The following POLD1 variants were observed in gnomAD, a reference collection of about 807,000 sequenced individuals.
The protein encoded by POLD1 is DNA polymerase delta catalytic subunit.
POLD1 carries 79 observed loss-of-function variants against 129.7 expected under a neutral mutation model. That is an observed-to-expected ratio of 0.61 (90% CI 0.51 to 0.73). The LOEUF is 0.73. Among genes scored for constraint, POLD1 ranks in the 30% least tolerant of loss-of-function variants. The pLI is 0.00. For synonymous variants in POLD1, 714 were observed against 683.3 expected, an observed-to-expected ratio of 1.04 and a Z score of -0.70; for missense variants, 1,338 against 1,595.8, an observed-to-expected ratio of 0.84 and a Z score of 2.75.
Position 50,406,114 on chromosome 19 carries a change from A to G in POLD1, c.1243-68A>G. The G allele has an allele frequency of 6.4e-7, 1 of 1,565,340 alleles. No homozygotes were observed. The highest frequency in any genetic ancestry group is 8.7e-7 in the Non-Finnish European group (1 of 1,149,170). ...TATAAGGATGTTGTGGTTGGTCTCAATCTCCGTTCTTCAGGCTTATGTGAC... is the reference window on the plus strand; with the variant it reads ...TATAAGGATGTTGTGGTTGGTCTCAGTCTCCGTTCTTCAGGCTTATGTGAC... On this transcript the variant is annotated intron_variant, in intron 10 of 26. Coordinates refer to ENST00000440232, the MANE Select transcript of POLD1 (RefSeq NM_002691.4). The surrounding 1 kb of genome is among the most constrained non-coding windows in gnomAD (Gnocchi z 5.5).
intron 6 of POLD1, 30 bp from the exon 7 acceptor site, chr19:50,402,424 C>T: frequency 6.2e-7 from 1 of 1,613,008 alleles, no homozygotes; most frequent in Non-Finnish European, 8.5e-7. Context: ...CTCGGGCAGC[C>T]CCTGTCCACT....
At chr19:50,401,466 C>T (rs182759196) in intron 3 of POLD1, among the ~76,000 whole-genome samples, 393 of 136,106 alleles carry the variant, frequency 2.9e-3, no homozygotes, top group African/African-American at 0.01. Context: ...GTCTCAAAGT[C>T]CTGGGCTCTA....
Position 50,401,987 on chromosome 19 carries a change from C to T in POLD1, c.464-12C>T, listed in dbSNP as rs770397805. The T allele has an allele frequency of 5.6e-6, 9 of 1,614,180 alleles. No individual in the cohort carries two copies. The highest frequency in any genetic ancestry group is 1.7e-5 in the Admixed American group (1 of 60,032). On this transcript the variant is annotated splice_polypyrimidine_tract_variant and intron_variant, in intron 4 of 26. Transcript: ENST00000440232. ...GAGCCCCCTGCACCTCTGATCATCC[C>T]TCCCACACCAGGTTTCGGGCCCGAG...
intron 1 of POLD1, among the ~76,000 whole-genome samples, chr19:50,390,167 T>C (rs6509474): frequency 0.052 from 7,913 of 151,956 alleles, 697 homozygotes; most frequent in African/African-American, 0.18. Context: ...CCTCAGCCTC[T>C]CATAGTGTTG....
chr19:50,413,189 C>T (rs905630225), intron 17 of POLD1, among the ~76,000 whole-genome samples: 12 of 152,198 alleles, frequency 7.9e-5, no homozygotes, highest in Non-Finnish European at 1.5e-5. Context: ...TAGTCACTTC[C>T]TTGTGCATGT....
chr19:50,386,918 C>T (rs1311061799), intron 1 of POLD1, among the ~76,000 whole-genome samples: 3 of 152,188 alleles, frequency 2.0e-5, no homozygotes, highest in African/African-American at 2.4e-5. Flanking sequence ...CTAGGCCGGG[C>T]GCGGTGGCTA....
intron 10 of POLD1, 121 bp downstream of exon 10, chr19:50,403,718 C>T (rs560006213): frequency 9.7e-6 from 7 of 722,454 alleles, no homozygotes; most frequent in African/African-American, 5.3e-5. Flanking sequence ...GTGCCTCAGC[C>T]GATTGCCTGC....
In POLD1 at chr19:50,407,725, A is replaced by ATTTT. The variant is rs571759517; in HGVS notation, c.1775+330_1775+333dup. 0.012 allele frequency among the ~76,000 whole-genome samples: 1,176 copies of ATTTT among 95,236 alleles called. 39 individuals are homozygous for ATTTT. The highest frequency in any genetic ancestry group is 0.052 in the African/African-American group (1,109 of 21,338). 62.5% of individuals were successfully genotyped at this position (95,236 alleles called of 152,430 possible). ...AGGCGCCCACCACCACGCCTGGCTA[A>ATTTT]TTTTTTTTTTTTTTTTTTTTTTTGC... On this transcript the variant is annotated intron_variant, in intron 14 of 26. Coordinates refer to ENST00000440232, the MANE Select transcript of POLD1 (RefSeq NM_002691.4).
At chr19:50,401,397 T>TATATATAA (rs1568618101) in intron 3 of POLD1, among the ~76,000 whole-genome samples, 12 of 72,262 alleles carry the variant, frequency 1.7e-4, no homozygotes, top group African/African-American at 7.8e-4. Flanking sequence ...ATATATTTTT[T>TATATATAA]TTTTTTTTTT....
chr19:50,398,740 G>T (rs1369281986), intron 1 of POLD1, 111 bp from the exon 2 acceptor site: 3 of 1,500,718 alleles, frequency 2.0e-6, no homozygotes, highest in African/African-American at 2.8e-5. Context: ...AGTACAGCCA[G>T]TCCAGAGTAG....
At position 50,409,436 on chromosome 19, in the gene POLD1, G is replaced by A. The variant is rs3219408; in HGVS notation, c.2007-83G>A. On this transcript the variant is annotated intron_variant, in intron 16 of 26. Coordinates refer to ENST00000440232, the MANE Select transcript of POLD1 (RefSeq NM_002691.4). The surrounding 1 kb of genome is among the most constrained non-coding windows in gnomAD (Gnocchi z 5.8). ...TGTGCAGTGCACAGTACGCCCAACC[G>A]TACATGGCACTCACTTCCAGAAAGG... The A allele has an allele frequency of 7.1e-3, 11,138 of 1,579,388 alleles. 626 individuals carry two copies. In the African/African-American group the frequency reaches 0.13, roughly 18 times the overall value.
At chr19:50,413,302 A>C in intron 17 of POLD1, 124 bp from the exon 18 acceptor site, 1 of 732,056 alleles carries the variant, frequency 1.4e-6, no homozygotes, top group Non-Finnish European at 2.3e-6. Flanking sequence ...CAGGAGGGGC[A>C]GAGTGGCTTG....
chr19:50,398,832 G>T lies in POLD1; in HGVS notation c.-1-19G>T. The T allele has an allele frequency of 6.2e-7, 1 of 1,606,088 alleles. No homozygotes were observed. The highest frequency in any genetic ancestry group is 1.1e-5 in the South Asian group (1 of 89,816). ...TGTCTCCGGTCAGAACCTCCACCAA[G>T]CTCCAACTTGCCCAGCAGGATGGAT... On this transcript the variant is annotated intron_variant, in intron 1 of 26. Transcript: ENST00000440232.
At chr19:50,403,445 C>A (rs942619891) in intron 9 of POLD1, 48 bp from the exon 10 acceptor site, 3 of 1,408,794 alleles carry the variant, frequency 2.1e-6, no homozygotes, top group Admixed American at 3.4e-5. Context: ...GTAGGGGAAT[C>A]CGAGGCAGGG....
Position 50,416,623 on chromosome 19 carries a change from G to T in POLD1, c.2967G>T (p.Thr989=), listed in dbSNP as rs3218752. The change falls in exon 24 of 27, where the codon ACG becomes ACT. Residue 989 remains threonine, a synonymous_variant. Coordinates refer to ENST00000440232, the MANE Select transcript of POLD1 (RefSeq NM_002691.4). ...CCTCTCCTGCAGGGGGGGACCACAC[G>T]CGCTGCAAGACGGTGCTCACGGGCA... ...AEAVLLRGDH[T]RCKTVLTGKV... 3 of 1,563,846 alleles carry T rather than the reference G, an allele frequency of 1.9e-6. No homozygotes were observed. Among genetic ancestry groups the T allele is most frequent in the Non-Finnish European group, 2.6e-6 (3 of 1,158,446 alleles).
At chr19:50,414,321 C>T (rs1298991623) in intron 19 of POLD1, among the ~76,000 whole-genome samples, 3 of 152,244 alleles carry the variant, frequency 2.0e-5, no homozygotes, top group Non-Finnish European at 2.9e-5. Context: ...GGCGAGTTCA[C>T]AGCTCACTGC....
At position 50,413,534 on chromosome 19, in the gene POLD1, C is replaced by G. The variant is rs979950487; in HGVS notation, c.2250+13C>G. On this transcript the variant is annotated intron_variant, in intron 18 of 26. Coordinates refer to ENST00000440232, the MANE Select transcript of POLD1 (RefSeq NM_002691.4). ...CACCAGTGCCAAGGTCGGGGGCTGC[C>G]CACCGCTGCCCTGAGATGGGCCCAG... 6.9e-6 allele frequency: 11 copies of G among 1,593,368 alleles called. No individual in the cohort carries two copies. The highest frequency in any genetic ancestry group is 7.7e-6 in the Non-Finnish European group (9 of 1,166,994).
At chr19:50,403,727 G>A in intron 10 of POLD1, 130 bp downstream of exon 10, 4 of 696,006 alleles carry the variant, frequency 5.7e-6, no homozygotes, top group Non-Finnish European at 1.0e-5. Flanking sequence ...CCGATTGCCT[G>A]CAGGGGCAGC....
intron 1 of POLD1, among the ~76,000 whole-genome samples, chr19:50,397,420 T>TC (rs1318670134): frequency 4.0e-5 from 6 of 150,918 alleles, no homozygotes; most frequent in Non-Finnish European, 5.9e-5. Flanking sequence ...TTTTTTTTTT[T>TC]CTGAGACGGA....
Sources: allele counts gnomAD v4.1 joint callset (sites outside exome capture counted in the v4.1 genomes callset), GRCh38; gene constraint gnomAD v4.1.1; non-coding constraint Gnocchi (gnomAD v3.1); transcripts MANE v1.5; gene names NCBI Gene and HGNC (gene_info 2026-07-23, HGNC 2026-07-21).